AMPD1: variants seen among roughly 807,000 people sequenced by gnomAD.
AMPD1 encodes the protein AMP deaminase 1.
A neutral mutation model predicts 82.9 loss-of-function variants in AMPD1; 74 were observed. That is an observed-to-expected ratio of 0.89 (90% CI 0.74 to 1.08). The LOEUF is 1.08. Among genes scored for constraint, AMPD1 ranks in the 50% least tolerant of loss-of-function variants. AMPD1 has a pLI of 0.00. For synonymous variants in AMPD1, 333 were observed against 320.5 expected, an observed-to-expected ratio of 1.04 and a Z score of -0.42; for missense variants, 881 against 924.5, an observed-to-expected ratio of 0.95 and a Z score of 0.61.
At chr1:114,685,645 C>T (rs979751754) in intron 4 of AMPD1, among the ~76,000 whole-genome samples, 4 of 152,146 alleles carry the variant, frequency 2.6e-5, no homozygotes, top group South Asian at 2.1e-4. Context: ...ACATTTTGTT[C>T]GTCCTCCTAA....
intron 3 of AMPD1, 46 bp downstream of exon 3, chr1:114,688,515 C>T (rs1421330079): frequency 6.3e-7 from 1 of 1,597,578 alleles, no homozygotes; most frequent in Non-Finnish European, 8.6e-7. Context: ...GGCAGATACC[C>T]CTCCTTAGGT....
Position 114,674,749 on chromosome 1 carries a change from C to T in AMPD1, c.1800+3G>A. 1 of 1,613,694 alleles carries T rather than the reference C, an allele frequency of 6.2e-7. No individual in the cohort carries two copies. The highest frequency in any genetic ancestry group is 8.5e-7 in the Non-Finnish European group (1 of 1,179,606). On this transcript the variant is annotated splice_donor_region_variant and intron_variant, in intron 13 of 15. Transcript: ENST00000520113. ...AAAGTTAAGAAGAGAGCTTCCAACT[C>T]ACCTTTTTTAAATTTAGGCCATGAG...
At chr1:114,693,901 C>T (rs993470874) in intron 1 of AMPD1, among the ~76,000 whole-genome samples, 1 of 152,050 alleles carries the variant, frequency 6.6e-6, no homozygotes, top group Admixed American at 6.6e-5. Context: ...CATACTTATA[C>T]TTAAAAAAAC....
intron 11 of AMPD1, 47 bp downstream of exon 11, chr1:114,675,830 G>A (rs759632948): frequency 6.2e-7 from 1 of 1,613,880 alleles, no homozygotes; most frequent in East Asian, 2.2e-5. Context: ...CAGGTAGGAA[G>A]GCTGGTTCAT....
chr1:114,681,062 A>G (rs1247875844), intron 5 of AMPD1, among the ~76,000 whole-genome samples: 1 of 152,246 alleles, frequency 6.6e-6, no homozygotes, highest in Non-Finnish European at 1.5e-5. Context: ...TCGATATACT[A>G]CTTACAAACA....
intron 11 of AMPD1, 61 bp downstream of exon 11, chr1:114,675,816 T>G (rs1396903507): frequency 2.5e-6 from 4 of 1,613,654 alleles, no homozygotes; most frequent in Non-Finnish European, 2.5e-6. Flanking sequence ...GAATTAGTCA[T>G]GACCAGGTAG....
chr1:114,690,919 T>G (rs745408747), intron 2 of AMPD1, among the ~76,000 whole-genome samples: 1 of 152,184 alleles, frequency 6.6e-6, no homozygotes, highest in Non-Finnish European at 1.5e-5. Flanking sequence ...GCAGCAATAA[T>G]GCTGGAGGCC....
At chr1:114,679,263 A>C (rs1412338866) in intron 7 of AMPD1, among the ~76,000 whole-genome samples, 2 of 152,212 alleles carry the variant, frequency 1.3e-5, no homozygotes, top group Non-Finnish European at 2.9e-5. Context: ...GAATTCAAAG[A>C]AAAAGGACTA....
intron 5 of AMPD1, among the ~76,000 whole-genome samples, chr1:114,681,467 C>T (rs568336240): frequency 4.6e-5 from 7 of 151,428 alleles, no homozygotes; most frequent in South Asian, 2.1e-4. Flanking sequence ...TGGTGGTGTG[C>T]GCCTGTAGTC....
rs1315894915 is a variant in AMPD1 at position 114,684,541 on chromosome 1, G to A, written c.382-177C>T. On this transcript the variant is annotated intron_variant, in intron 4 of 15. Coordinates refer to ENST00000520113, the MANE Select transcript of AMPD1 (RefSeq NM_000036.3). ...GGACCTGGATCTCCCTCCCAGAGCA[G>A]GTCCTGAAGCTTTTCTAGCTTCTTT... is the stretch of plus-strand genomic sequence containing the variant. 7.5e-6 allele frequency: 5 copies of A among 669,610 alleles called. No individual in the cohort carries two copies. In the Admixed American group the frequency reaches 1.3e-4, roughly 17 times the overall value. 41.5% of individuals were successfully genotyped at this position (669,610 alleles called of 1,614,324 possible). A position where few individuals can be genotyped will look rare whatever the true frequency, so the allele number is the denominator to read the frequency against.
At position 114,674,016 on chromosome 1, in the gene AMPD1, T is replaced by C. The variant is rs1657909584; in HGVS notation, c.1867A>G (p.Asn623Asp). 2.5e-6 allele frequency: 4 copies of C among 1,613,922 alleles called. No individual in the cohort carries two copies. Among genetic ancestry groups the C allele is most frequent in the Non-Finnish European group, 3.4e-6 (4 of 1,179,920 alleles). ...IPIAMSPLSNNSLFLEYAKNP... is the reference protein window; with the variant it reads ...IPIAMSPLSNDSLFLEYAKNP... ...TTGGCATACTCTAGAAATAGGCTAT[T>C]GTTACTTAGTGGTGACATGGCGATG... Residue 623 changes from asparagine to aspartate, a missense_variant, in exon 14 of 16, where the codon AAT becomes GAT. Asn to Asp is a conservative substitution (Grantham distance 23). This residue lies in a region of AMPD1 where 783 missense variants were observed against 786.4 expected (regional missense o/e 1.00). Coordinates refer to ENST00000520113, the MANE Select transcript of AMPD1 (RefSeq NM_000036.3).
intron 15 of AMPD1, 125 bp from the exon 16 acceptor site, chr1:114,673,397 C>A (rs1050496306): frequency 2.6e-6 from 3 of 1,153,738 alleles, no homozygotes; most frequent in Non-Finnish European, 2.5e-6. Context: ...TAATAATAGA[C>A]CATTAAAAGC....
Position 114,675,912 on chromosome 1 carries a change from G to A in AMPD1, c.1480C>T (p.Gln494Ter). 1 of 1,614,190 alleles carries A rather than the reference G, an allele frequency of 6.2e-7. No individual in the cohort carries two copies. Among genetic ancestry groups the A allele is most frequent in the Non-Finnish European group, 8.5e-7 (1 of 1,180,026 alleles). ...MPVFEATINP[Q>*]ADPELSVFLK... ...AAGACACTGAGTTCTGGGTCAGCCT[G>A]GGGGTTGATGGTGGCCTCAAACACT... Residue 494 changes from glutamine to a stop codon, truncating the protein, a stop_gained, in exon 11 of 16, where the codon CAG becomes TAG. Coordinates refer to ENST00000520113, the MANE Select transcript of AMPD1 (RefSeq NM_000036.3). LOFTEE classifies it high-confidence loss of function.
chr1:114,687,002 G>T, intron 3 of AMPD1, 92 bp from the exon 4 acceptor site: 1 of 1,395,566 alleles, frequency 7.2e-7, no homozygotes, highest in Non-Finnish European at 1.0e-6. Context: ...ATTTTATTCT[G>T]AGGACAAAAA....
intron 7 of AMPD1, among the ~76,000 whole-genome samples, chr1:114,679,159 G>A (rs1054393772): frequency 3.9e-5 from 6 of 152,072 alleles, no homozygotes; most frequent in African/African-American, 1.2e-4. Flanking sequence ...CAATCCTCAC[G>A]TGAACTGGAT....
chr1:114,674,729 T>G (rs1657929132), intron 13 of AMPD1, 23 bp downstream of exon 13: 2 of 1,611,492 alleles, frequency 1.2e-6, no homozygotes, highest in South Asian at 2.2e-5. Context: ...ATGTAAAAGT[T>G]AAGAAGAGAG....
rs1302088525 is a variant in AMPD1, at chr1:114,675,680, T to C, written c.1529A>G (p.Asp510Gly). The change falls in exon 12 of 16, where the codon GAC becomes GGC. Residue 510 changes from aspartate (D) to glycine (G), a missense_variant. Asp to Gly is a moderately conservative substitution (Grantham distance 94). Around this residue, in one of 2 missense-constraint regions of AMPD1, gnomAD observed 783 missense variants for 786.4 expected, o/e 1.00. Coordinates refer to ENST00000520113, the MANE Select transcript of AMPD1 (RefSeq NM_000036.3). ...GTGTTTGGACTCATCATCCACACTGTCAAAGCCAGTGATCTGTTAGGAAAA... is the reference window on the plus strand; with the variant it reads ...GTGTTTGGACTCATCATCCACACTGCCAAAGCCAGTGATCTGTTAGGAAAA... ...SVFLKHITGFDSVDDESKHSG... is the reference protein window; with the variant it reads ...SVFLKHITGFGSVDDESKHSG... 5.6e-6 allele frequency: 9 copies of C among 1,614,040 alleles called. No individual in the cohort carries two copies. The highest frequency in any genetic ancestry group is 7.6e-6 in the Non-Finnish European group (9 of 1,180,030).
At chr1:114,693,206 A>G (rs1473947620) in intron 2 of AMPD1, among the ~76,000 whole-genome samples, 3 of 148,934 alleles carry the variant, frequency 2.0e-5, no homozygotes, top group African/African-American at 7.3e-5. Context: ...AAAAAATTAT[A>G]TATAATTATA....
At position 114,676,006 on chromosome 1, in the gene AMPD1, A is replaced by G. The variant is rs779714032; in HGVS notation, c.1389-3T>C. 1.2e-6 allele frequency: 2 copies of G among 1,613,854 alleles called. No individual in the cohort carries two copies. The highest frequency in any genetic ancestry group is 2.2e-5 in the South Asian group (2 of 91,074). ...AATTCTTGGAACGGAACACATCACT[A>G]GAGGCAAGAATGAAGAGAATTTAGG... On this transcript the variant is annotated splice_region_variant and splice_polypyrimidine_tract_variant and intron_variant, in intron 10 of 15. Coordinates refer to ENST00000520113, the MANE Select transcript of AMPD1 (RefSeq NM_000036.3).
Sources: allele counts gnomAD v4.1 joint callset (sites outside exome capture counted in the v4.1 genomes callset), GRCh38; gene constraint gnomAD v4.1.1; regional missense constraint gnomAD v4.1.1; transcripts MANE v1.5; gene names NCBI Gene and HGNC (gene_info 2026-07-23, HGNC 2026-07-21).